ERICH1: variants seen among roughly 807,000 people sequenced by gnomAD.
The protein encoded by ERICH1 is glutamate-rich protein 1.
Under a neutral mutation model 39.6 loss-of-function variants are expected in ERICH1, and 56 were observed. The ratio of observed to expected loss-of-function variants is 1.41; its 90% CI spans 1.14 to 1.77. The LOEUF is 1.77. Among genes scored for constraint, ERICH1 ranks in the 40% most tolerant of loss-of-function variants. The pLI is 0.00. For missense variants in ERICH1, 826 were observed against 575.4 expected (o/e 1.44, Z -4.45); for synonymous variants, 313 against 223.6 (o/e 1.40, Z -3.57).
chr8:698,717 A>G (rs1013603716), intron 2 of ERICH1, among the ~76,000 whole-genome samples: 7 of 152,056 alleles, frequency 4.6e-5, no homozygotes, highest in South Asian at 2.1e-4. Context: ...GGCTCAAGCA[A>G]TCCTCCCTCC....
chr8:711,028 T>A (rs1180229073), intron 2 of ERICH1, among the ~76,000 whole-genome samples: 1 of 152,222 alleles, frequency 6.6e-6, no homozygotes, highest in Non-Finnish European at 1.5e-5. Context: ...TTGGTGTTGT[T>A]AGTGTTCTGG....
At chr8:715,350 A>C (rs1166594839) in intron 2 of ERICH1, among the ~76,000 whole-genome samples, 2 of 152,180 alleles carry the variant, frequency 1.3e-5, no homozygotes, top group Non-Finnish European at 2.9e-5. Flanking sequence ...GCGGAGTTGC[A>C]CTGCAGGGAC....
intron 3 of ERICH1, among the ~76,000 whole-genome samples, chr8:634,199 A>AACAAACAAACAAACAAAT (rs1563171397): frequency 6.6e-6 from 1 of 151,268 alleles, no homozygotes; most frequent in African/African-American, 2.5e-5. Flanking sequence ...AACAAAAAAA[A>AACAAACAAACAAACAAAT]CCCTGATTCA....
intron 1 of ERICH1, among the ~76,000 whole-genome samples, chr8:730,323 A>G (rs934152668): frequency 6.6e-6 from 1 of 152,216 alleles, no homozygotes; most frequent in African/African-American, 2.4e-5. Flanking sequence ...CTTTTTAAGC[A>G]ATTGTTTTAT....
intron 3 of ERICH1, among the ~76,000 whole-genome samples, chr8:644,317 C>T (rs534535436): frequency 3.9e-4 from 59 of 152,386 alleles, no homozygotes; most frequent in African/African-American, 1.3e-3. Context: ...TGGTCATCGT[C>T]TCTTTGTAAG....
Position 616,721 on chromosome 8 carries a change from C to CAGAGAGATAGGGAAGCG in ERICH1, c.977-1454_977-1438dup, listed in dbSNP as rs1316587853. ...GGACAGGGAGAGAGATAGAGACACTCAGAGAGATAGGGAAGCGGGAGAGAG... is the reference window on the plus strand; with the variant it reads ...GGACAGGGAGAGAGATAGAGACACTCAGAGAGATAGGGAAGCGAGAGAGATAGGGAAGCGGGAGAGAG... On this transcript the variant is annotated intron_variant, in intron 3 of 3. Coordinates refer to the ERICH1 transcript ENST00000522706. 53 of 389,442 alleles carry CAGAGAGATAGGGAAGCG rather than the reference C, an allele frequency of 1.4e-4. 2 individuals carry two copies. Among genetic ancestry groups the CAGAGAGATAGGGAAGCG allele is most frequent in the South Asian group, 8.2e-4 (45 of 55,108 alleles). 24.1% of individuals were successfully genotyped at this position (389,442 alleles called of 1,614,324 possible).
intron 3 of ERICH1, among the ~76,000 whole-genome samples, chr8:624,301 C>A (rs907820557): frequency 2.6e-5 from 4 of 152,188 alleles, no homozygotes; most frequent in African/African-American, 9.7e-5. Context: ...CAAGGAAATG[C>A]ATACTTTCCT....
intron 3 of ERICH1, among the ~76,000 whole-genome samples, chr8:645,729 T>C (rs1160093429): frequency 1.5e-5 from 1 of 68,406 alleles, no homozygotes; most frequent in African/African-American, 3.7e-5. Flanking sequence ...CTGGAAGCAG[T>C]CCCCCCACCT....
At chr8:712,664 C>G (rs1325701989) in intron 2 of ERICH1, among the ~76,000 whole-genome samples, 1 of 152,142 alleles carries the variant, frequency 6.6e-6, no homozygotes, top group Non-Finnish European at 1.5e-5. Context: ...GTCTCAATCT[C>G]CTGACCCTGT....
intron 5 of ERICH1, 153 bp downstream of exon 5, chr8:668,445 C>G (rs1053639261): frequency 1.3e-5 from 9 of 688,626 alleles, no homozygotes; most frequent in African/African-American, 7.2e-5. Context: ...ATGCAGGAAG[C>G]CTGTTTCTCT....
At chr8:716,598 T>G (rs138647968) in intron 1 of ERICH1, among the ~76,000 whole-genome samples, 23 of 152,392 alleles carry the variant, frequency 1.5e-4, no homozygotes, top group African/African-American at 5.3e-4. Flanking sequence ...TTCTTTACTT[T>G]GCTTGTTTTA....
chr8:670,400 G>A (rs575645082), intron 4 of ERICH1, among the ~76,000 whole-genome samples: 14 of 152,178 alleles, frequency 9.2e-5, no homozygotes, highest in South Asian at 6.2e-4. Flanking sequence ...GTTGCTGAAC[G>A]CATAGGAAAG....
At chr8:626,818 C>T in intron 3 of ERICH1, 1 of 256,246 alleles carries the variant, frequency 3.9e-6, no homozygotes, top group Non-Finnish European at 8.2e-6. Flanking sequence ...ATTTATATCA[C>T]ATCATGGAGT....
At chr8:628,827 C>A (rs1490867593) in intron 3 of ERICH1, among the ~76,000 whole-genome samples, 2 of 152,292 alleles carry the variant, frequency 1.3e-5, no homozygotes, top group East Asian at 3.9e-4. Context: ...TCGGCTCCCC[C>A]AATGCTGAGG....
At chr8:730,184 C>T (rs1819654598) in intron 1 of ERICH1, among the ~76,000 whole-genome samples, 1 of 152,192 alleles carries the variant, frequency 6.6e-6, no homozygotes, top group African/African-American at 2.4e-5. Flanking sequence ...CATTTTTAAC[C>T]TGTGAGCTGA....
At chr8:722,872 C>G (rs1204829339) in intron 1 of ERICH1, among the ~76,000 whole-genome samples, 1 of 152,222 alleles carries the variant, frequency 6.6e-6, no homozygotes, top group Non-Finnish European at 1.5e-5. Flanking sequence ...CACATGCTTA[C>G]AGGAATTCAT....
chr8:624,131 C>T (rs57255985), intron 3 of ERICH1, among the ~76,000 whole-genome samples: 9,032 of 152,094 alleles, frequency 0.059, 369 homozygotes, highest in Non-Finnish European at 0.076. Flanking sequence ...GGCCAATGAG[C>T]GCACGCAAAG....
chr8:638,383 G>A (rs1235295279), intron 3 of ERICH1, among the ~76,000 whole-genome samples: 2 of 152,202 alleles, frequency 1.3e-5, no homozygotes, highest in Admixed American at 6.5e-5. Flanking sequence ...CGGAGAGGAG[G>A]CCTGCTTGAG....
downstream of ERICH1, among the ~76,000 whole-genome samples, chr8:659,867 A>G (rs13262478): frequency 0.16 from 2,100 of 13,186 alleles, 566 homozygotes; most frequent in East Asian, 0.55. Flanking sequence ...CGAGATCTCC[A>G]GTGTGCACTG....
Sources: gnomAD v4.1 joint callset for allele counts (sites outside exome capture counted in the v4.1 genomes callset) on GRCh38, gnomAD v4.1.1 for gene constraint, MANE v1.5 for transcripts, NCBI Gene and HGNC (gene_info 2026-07-23, HGNC 2026-07-21) for gene names.